The following DDHD1 variants were observed in gnomAD, a reference collection of about 807,000 sequenced individuals.
DDHD1 encodes the protein phospholipase DDHD1.
In DDHD1, 49 loss-of-function variants were observed where a neutral mutation model predicts 96.4. The ratio of observed to expected loss-of-function variants is 0.51; its 90% CI spans 0.40 to 0.64. The LOEUF (loss-of-function observed/expected upper bound fraction) is 0.64. Ranked by LOEUF, DDHD1 falls within the 30% of genes least tolerant of loss-of-function variation. The probability of loss-of-function intolerance (pLI) is 0.00; values close to 1 mark genes in which losing one functional copy is unlikely to be tolerated. For synonymous variants in DDHD1, 442 were observed against 446.5 expected, an observed-to-expected ratio of 0.99 and a Z score of 0.13; for missense variants, 1,106 against 1,161.2, an observed-to-expected ratio of 0.95 and a Z score of 0.69.
intron 1 of DDHD1, among the ~76,000 whole-genome samples, chr14:53,141,557 C>G (rs982964155): frequency 1.3e-5 from 2 of 152,218 alleles, no homozygotes; most frequent in Non-Finnish European, 2.9e-5. Context: ...TCAATTAAAT[C>G]TGCAAACTAC....
intron 9 of DDHD1, among the ~76,000 whole-genome samples, chr14:53,057,295 G>A (rs1883136984): frequency 6.6e-6 from 1 of 151,952 alleles, no homozygotes; most frequent in Non-Finnish European, 1.5e-5. Context: ...TTAATATTTA[G>A]TTAAACCAGC....
At chr14:53,052,629 T>C (rs892186671) in intron 11 of DDHD1, 19 of 152,018 alleles carry the variant, frequency 1.2e-4, no homozygotes, top group African/African-American at 4.3e-4. Flanking sequence ...GCCAAATAAT[T>C]AGTAAAGCAA....
At chr14:53,079,104 T>C (rs1478311991) in intron 4 of DDHD1, among the ~76,000 whole-genome samples, 1 of 152,174 alleles carries the variant, frequency 6.6e-6, no homozygotes, top group African/African-American at 2.4e-5. Flanking sequence ...GGATTCAAGT[T>C]TGTTGGCATT....
chr14:53,061,939 C>T (rs1179544279), intron 7 of DDHD1, among the ~76,000 whole-genome samples: 3 of 143,534 alleles, frequency 2.1e-5, no homozygotes, highest in Non-Finnish European at 4.5e-5. Context: ...GAGACAGGGG[C>T]AGGAGAATCA....
At position 53,103,698 on chromosome 14, in the gene DDHD1, T is replaced by C; in HGVS notation, c.997A>G (p.Ile333Val). The C allele has an allele frequency of 2.5e-6, 4 of 1,610,714 alleles. No individual in the cohort carries two copies. The highest frequency in any genetic ancestry group is 3.4e-6 in the Non-Finnish European group (4 of 1,179,000). The change falls in exon 2 of 13, where the codon ATA becomes GTA. Residue 333 changes from isoleucine (I) to valine (V), a missense_variant. By Grantham distance (29) the Ile-to-Val change is conservative (BLOSUM62 3). Around this residue, in one of 2 missense-constraint regions of DDHD1, gnomAD observed 650 missense variants for 758.8 expected, o/e 0.86. Coordinates refer to ENST00000673822, the MANE Select transcript of DDHD1 (RefSeq NM_001160148.2). Reference protein sequence around the residue: ...ENFDIEVSKSIDGKDAVHSFK... With the variant: ...ENFDIEVSKSVDGKDAVHSFK... Reference sequence around the variant, plus strand: ...TTGATCTTACCATCTTTTCCATCTATGGATTTTGACACTTCAATATCGAAA... The same window carrying C: ...TTGATCTTACCATCTTTTCCATCTACGGATTTTGACACTTCAATATCGAAA...
chr14:53,114,650 A>G (rs904697433), intron 1 of DDHD1, among the ~76,000 whole-genome samples: 23 of 152,228 alleles, frequency 1.5e-4, no homozygotes, highest in Admixed American at 1.5e-3. Context: ...AGACTAATAG[A>G]AGAAAAACTA....
At position 53,080,719 on chromosome 14, in the gene DDHD1, T is replaced by TC. The variant is rs1555334169; in HGVS notation, c.1290-6873_1290-6872insG. On this transcript the variant is annotated intron_variant, in intron 4 of 12. Transcript: ENST00000673822. Reference sequence around the variant, plus strand: ...AATTTCATTTCTTTTCCTTCCCCCTTTTTTTTTTTTTTTTTTTTGGAGATG... The same window carrying TC: ...AATTTCATTTCTTTTCCTTCCCCCTTCTTTTTTTTTTTTTTTTTTGGAGATG... Among the ~76,000 whole-genome samples the TC allele has an allele frequency of 1.4e-3, 61 of 44,132 alleles. 11 individuals are homozygous for TC. Among genetic ancestry groups the TC allele is most frequent in the South Asian group, 7.2e-3 (10 of 1,392 alleles). 29.0% of individuals were successfully genotyped at this position (44,132 alleles called of 152,430 possible).
chr14:53,127,275 G>A (rs1049918400), intron 1 of DDHD1, among the ~76,000 whole-genome samples: 4 of 152,130 alleles, frequency 2.6e-5, no homozygotes, highest in East Asian at 3.8e-4. Context: ...TGCTCAAATC[G>A]TGTAAACAGT....
chr14:53,127,724 C>T (rs1232940152), intron 1 of DDHD1, among the ~76,000 whole-genome samples: 2 of 152,178 alleles, frequency 1.3e-5, no homozygotes, highest in Admixed American at 6.5e-5. Context: ...AAGGTAAGAT[C>T]GCTACAGACA....
chr14:53,100,748 G>C (rs757522881), intron 2 of DDHD1, among the ~76,000 whole-genome samples: 6 of 152,134 alleles, frequency 3.9e-5, no homozygotes, highest in South Asian at 4.1e-4. Context: ...ATATTCCCTA[G>C]AGCATTTAAT....
intron 1 of DDHD1, among the ~76,000 whole-genome samples, chr14:53,146,512 T>A (rs1337508762): frequency 2.3e-5 from 3 of 131,672 alleles, no homozygotes; most frequent in Non-Finnish European, 3.3e-5. Flanking sequence ...AAAAAAAAAA[T>A]TAATGAATGT....
At chr14:53,078,646 G>C (rs893985285) in intron 4 of DDHD1, among the ~76,000 whole-genome samples, 15 of 152,168 alleles carry the variant, frequency 9.9e-5, no homozygotes, top group Admixed American at 5.2e-4. Flanking sequence ...CATGTCATTT[G>C]CAAACGGAGA....
rs376869960 is a variant in DDHD1, at chr14:53,151,638, T to C, written c.838+623A>G. On this transcript the variant is annotated intron_variant, in intron 1 of 12. Coordinates refer to ENST00000673822, the MANE Select transcript of DDHD1 (RefSeq NM_001160148.2). ...AAATGGTAATTTTTCAAGGTTAAGA[T>C]GCAAACACAAAAATATGTAAATGAG... is the stretch of plus-strand genomic sequence containing the variant. 3.9e-4 allele frequency among the ~76,000 whole-genome samples: 59 copies of C among 152,342 alleles called. 1 individual carries two copies. In the East Asian group the frequency reaches 4.8e-3, roughly 12 times the overall value.
chr14:53,061,733 T>A (rs966346473), intron 7 of DDHD1, among the ~76,000 whole-genome samples: 4 of 152,162 alleles, frequency 2.6e-5, no homozygotes, highest in Admixed American at 6.5e-5. Flanking sequence ...ATCATTATTA[T>A]TTTTTAAAAG....
At chr14:53,125,918 G>T (rs1004995372) in intron 1 of DDHD1, among the ~76,000 whole-genome samples, 4 of 152,098 alleles carry the variant, frequency 2.6e-5, no homozygotes, top group Non-Finnish European at 4.4e-5. Flanking sequence ...GACCAGGCTG[G>T]TCTCGAACTC....
chr14:53,126,950 T>C (rs949708417), intron 1 of DDHD1, among the ~76,000 whole-genome samples: 2 of 152,150 alleles, frequency 1.3e-5, no homozygotes, highest in African/African-American at 2.4e-5. Flanking sequence ...CACGTGAGAA[T>C]TTAAGCTCTA....
intron 6 of DDHD1, among the ~76,000 whole-genome samples, chr14:53,066,136 C>G (rs1883989863): frequency 1.3e-5 from 2 of 152,122 alleles, no homozygotes; most frequent in South Asian, 2.1e-4. Flanking sequence ...GGTTAAGTGG[C>G]AGGTTTCTGT....
chr14:53,100,239 G>A (rs1353885649), intron 2 of DDHD1, among the ~76,000 whole-genome samples: 1 of 152,064 alleles, frequency 6.6e-6, no homozygotes, highest in Non-Finnish European at 1.5e-5. Flanking sequence ...CTTTGTGGGG[G>A]CTGAAGCAGG....
At position 53,062,935 on chromosome 14, in the gene DDHD1, T is replaced by C. The variant is rs1225844971; in HGVS notation, c.1766+8A>G. ...TTAAAAATTTTTCAAAAGATGAGGATATTTTACCGTCGTTTAGTTATATAG... is the reference window on the plus strand; with the variant it reads ...TTAAAAATTTTTCAAAAGATGAGGACATTTTACCGTCGTTTAGTTATATAG... On this transcript the variant is annotated splice_region_variant and intron_variant, in intron 7 of 12. Coordinates refer to ENST00000673822, the MANE Select transcript of DDHD1 (RefSeq NM_001160148.2). 4.4e-6 allele frequency: 7 copies of C among 1,606,820 alleles called. No homozygotes were observed. Among genetic ancestry groups the C allele is most frequent in the South Asian group, 3.3e-5 (3 of 90,142 alleles).
Sources: allele counts gnomAD v4.1 joint callset (sites outside exome capture counted in the v4.1 genomes callset), GRCh38; gene constraint gnomAD v4.1.1; regional missense constraint gnomAD v4.1.1; transcripts MANE v1.5; gene names NCBI Gene and HGNC (gene_info 2026-07-23, HGNC 2026-07-21).